Variants in NR6A1 observed in about 807,000 individuals in gnomAD.
NR6A1 encodes the protein nuclear receptor subfamily 6 group A member 1.
NR6A1 carries 7 observed loss-of-function variants against 59.1 expected under a neutral mutation model. The observed-to-expected ratio is 0.12, with a 90% CI of 0.07 to 0.22. NR6A1 has a LOEUF of 0.22. Among genes scored for constraint, NR6A1 ranks in the 10% least tolerant of loss-of-function variants. NR6A1 has a pLI of 1.00. For missense variants in NR6A1, 468 were observed against 611.6 expected, an observed-to-expected ratio of 0.77 and a Z score of 2.48; for synonymous variants, 243 against 236.1, an observed-to-expected ratio of 1.03 and a Z score of -0.27.
chr9:124,649,161 A>G (rs1337750805), intron 2 of NR6A1, among the ~76,000 whole-genome samples: 1 of 146,398 alleles, frequency 6.8e-6, no homozygotes, highest in East Asian at 2.1e-4. Flanking sequence ...AAAAGAACAC[A>G]GGTGGAGGTA....
intron 7 of NR6A1, among the ~76,000 whole-genome samples, chr9:124,534,257 G>A (rs900940595): frequency 6.6e-6 from 1 of 151,928 alleles, no homozygotes; most frequent in African/African-American, 2.4e-5. Flanking sequence ...ATTTTTAGTA[G>A]AGACAGGGGT....
chr9:124,652,664 G>A (rs1472277721), intron 2 of NR6A1, among the ~76,000 whole-genome samples: 1 of 152,118 alleles, frequency 6.6e-6, no homozygotes, highest in Non-Finnish European at 1.5e-5. Context: ...GAAATGCCAG[G>A]GCTGGAGCCA....
chr9:124,760,805 A>G (rs762998515), intron 1 of NR6A1, among the ~76,000 whole-genome samples: 1 of 152,282 alleles, frequency 6.6e-6, no homozygotes, highest in Non-Finnish European at 1.5e-5. Context: ...GTCAAGTGAC[A>G]AAGTCGCATA....
intron 1 of NR6A1, among the ~76,000 whole-genome samples, chr9:124,754,506 G>A (rs77743492): frequency 0.01 from 1,571 of 152,258 alleles, 27 homozygotes; most frequent in African/African-American, 0.036. Flanking sequence ...AGCTGAAGCA[G>A]AGAGGACCTC....
At chr9:124,565,462 A>G (rs996779956) in intron 2 of NR6A1, among the ~76,000 whole-genome samples, 3 of 152,186 alleles carry the variant, frequency 2.0e-5, no homozygotes, top group Non-Finnish European at 4.4e-5. Context: ...AACAATTAAA[A>G]AAAAAGTCAG....
chr9:124,686,920 T>C (rs1212344744), intron 2 of NR6A1, among the ~76,000 whole-genome samples: 2 of 151,972 alleles, frequency 1.3e-5, no homozygotes, highest in Non-Finnish European at 2.9e-5. Flanking sequence ...CCCAGGCTGG[T>C]CTTGAAATCC....
intron 1 of NR6A1, among the ~76,000 whole-genome samples, chr9:124,756,985 CAAA>C (rs1840651339): frequency 8.5e-6 from 1 of 116,962 alleles, no homozygotes; most frequent in Admixed American, 9.4e-5. Flanking sequence ...GTGCCAGAAT[CAAA>C]AAGAAAAAAA....
chr9:124,554,521 C>T lies in NR6A1; in HGVS notation c.192G>A (p.Gly64=). The part of the protein sequence containing the change: ...RAEQRTCLIC[G]DRATGLHYGI... The stretch of plus-strand genomic sequence containing the variant: ...CATAGTGCAAGCCTGTAGCGCGGTC[C>T]CCACAAATGAGACAGGTTCGTTGTT... Residue 64 remains glycine, a synonymous_variant, in exon 3 of 10, where the codon GGG becomes GGA. Coordinates refer to ENST00000487099, the MANE Select transcript of NR6A1 (RefSeq NM_033334.4). 4 of 1,614,172 alleles carry T rather than the reference C, an allele frequency of 2.5e-6. No homozygotes were observed. In the South Asian group the frequency reaches 3.3e-5, roughly 13 times the overall value.
chr9:124,536,865 G>GA (rs1833283312), intron 6 of NR6A1, among the ~76,000 whole-genome samples: 2 of 152,102 alleles, frequency 1.3e-5, no homozygotes, highest in South Asian at 4.1e-4. Flanking sequence ...ACCACTGAAG[G>GA]AAAGAGAACA....
chr9:124,581,887 C>T (rs549878435), intron 2 of NR6A1, among the ~76,000 whole-genome samples: 1 of 152,256 alleles, frequency 6.6e-6, no homozygotes, highest in African/African-American at 2.4e-5. Flanking sequence ...CATCTCACAT[C>T]AGTCAGAATG....
intron 2 of NR6A1, among the ~76,000 whole-genome samples, chr9:124,601,640 T>C (rs183640422): frequency 3.4e-5 from 5 of 146,320 alleles, no homozygotes; most frequent in Middle Eastern, 3.8e-3. Flanking sequence ...AGACTATATA[T>C]AGACTATATA....
chr9:124,687,287 A>ATTTATTTATTTATTTATTTAT (rs1564237537), intron 2 of NR6A1, among the ~76,000 whole-genome samples: 1 of 60,612 alleles, frequency 1.6e-5, no homozygotes, highest in African/African-American at 1.1e-4. Context: ...CAGCCAGCTA[A>ATTTATTTATTTATTTATTTAT]TTAATTATTT....
At chr9:124,689,579 T>C (rs922720146) in intron 2 of NR6A1, among the ~76,000 whole-genome samples, 2 of 152,210 alleles carry the variant, frequency 1.3e-5, no homozygotes, top group African/African-American at 4.8e-5. Flanking sequence ...TGGATTTTCA[T>C]GGCTGTGTGT....
intron 1 of NR6A1, among the ~76,000 whole-genome samples, chr9:124,764,358 C>T (rs1840869897): frequency 6.6e-6 from 1 of 152,138 alleles, no homozygotes; most frequent in Admixed American, 6.5e-5. Flanking sequence ...TCTAATCAAT[C>T]ATCTCTTTTT....
At position 124,771,051 on chromosome 9, in the gene NR6A1, A is replaced by C. The variant is rs1841142064; in HGVS notation, c.69T>G (p.Pro23=). ...GCGGCGGCGGAGGGAGCGCGGCGGG[A>C]GGCTCCAGGAACCCCGCCGAGCCCC... is the stretch of plus-strand genomic sequence containing the variant. ...GGGGSAGFLE[P]PAALPPPPRN... The change falls in exon 1 of 10, where the codon CCT becomes CCG. Residue 23 remains proline, a synonymous_variant. Transcript: ENST00000487099. 3.3e-6 allele frequency: 4 copies of C among 1,230,004 alleles called. No individual in the cohort carries two copies. The highest frequency in any genetic ancestry group is 4.1e-6 in the Non-Finnish European group (4 of 987,008). 76.2% of individuals were successfully genotyped at this position (1,230,004 alleles called of 1,614,324 possible). A position where few individuals can be genotyped will look rare whatever the true frequency, so the allele number is the denominator to read the frequency against.
chr9:124,761,067 T>C (rs1332402501), intron 1 of NR6A1, among the ~76,000 whole-genome samples: 1 of 152,196 alleles, frequency 6.6e-6, no homozygotes, highest in East Asian at 1.9e-4. Flanking sequence ...AGAAAGAATA[T>C]GGAAGAAAAA....
intron 2 of NR6A1, among the ~76,000 whole-genome samples, chr9:124,650,633 G>A (rs1837071594): frequency 6.6e-6 from 1 of 152,176 alleles, no homozygotes; most frequent in African/African-American, 2.4e-5. Flanking sequence ...TGTTGTAGGT[G>A]ATTTCCCTAT....
At chr9:124,588,768 A>C (rs975452410) in intron 2 of NR6A1, among the ~76,000 whole-genome samples, 12 of 150,220 alleles carry the variant, frequency 8.0e-5, no homozygotes, top group African/African-American at 2.4e-4. Flanking sequence ...AAAATACAAA[A>C]AATTAGCGGG....
intron 1 of NR6A1, among the ~76,000 whole-genome samples, chr9:124,769,222 C>A (rs1411770655): frequency 6.7e-6 from 1 of 150,196 alleles, no homozygotes; most frequent in African/African-American, 2.5e-5. Flanking sequence ...GAACGGCCAG[C>A]CACCTAGCCA....
Sources: gnomAD v4.1 joint callset for allele counts (sites outside exome capture counted in the v4.1 genomes callset) on GRCh38, gnomAD v4.1.1 for gene constraint, MANE v1.5 for transcripts, NCBI Gene and HGNC (gene_info 2026-07-23, HGNC 2026-07-21) for gene names.